IL1RAPL2: variants seen among roughly 807,000 people sequenced by gnomAD.
The protein encoded by IL1RAPL2 is interleukin 1 receptor accessory protein like 2.
A neutral mutation model predicts 44.1 loss-of-function variants in IL1RAPL2; 3 were observed. The ratio of observed to expected loss-of-function variants is 0.07; its 90% CI spans 0.03 to 0.18. The LOEUF is 0.18. Ranked by LOEUF, IL1RAPL2 falls within the 10% of genes least tolerant of loss-of-function variation. The pLI, the probability that IL1RAPL2 is intolerant of heterozygous loss-of-function variation, is 1.00. For missense variants in IL1RAPL2, 391 were observed against 496.4 expected (o/e 0.79, Z 2.02); for synonymous variants, 181 against 178.8 (o/e 1.01, Z -0.10).
At position 104,566,980 on chromosome X, in the gene IL1RAPL2, G is replaced by A. The variant is rs1294247301; in HGVS notation, c.-91G>A. The A allele has an allele frequency of 8.9e-6, 1 of 112,637 alleles. No homozygotes were observed. The highest frequency in any genetic ancestry group is 1.9e-5 in the Non-Finnish European group (1 of 53,370). 9.3% of individuals were successfully genotyped at this position (112,637 alleles called of 1,213,427 possible). A position where few individuals can be genotyped will look rare whatever the true frequency, so the allele number is the denominator to read the frequency against. ...CGCGCTCTCCGGAACCCGGCTCGCC[G>A]TCTCGCCCTGGACATGGAACTACGC... is the stretch of plus-strand genomic sequence containing the variant. On this transcript the variant is annotated 5_prime_UTR_variant, in exon 1 of 11. Coordinates refer to ENST00000372582, the MANE Select transcript of IL1RAPL2 (RefSeq NM_017416.2).
In IL1RAPL2 at chrX:104,660,556, ATATATT is replaced by A. The variant is rs1269079733; in HGVS notation, c.82+1567_82+1572del. ...CTGTTAAAATATATATATATTTTAT[ATATATT>A]TATATATATAAAATATATAAATATA... On this transcript the variant is annotated intron_variant, in intron 2 of 10. Transcript: ENST00000372582. 4.2e-5 allele frequency among the ~76,000 whole-genome samples: 4 copies of A among 94,450 alleles called. No homozygotes were observed. In the East Asian group the frequency reaches 1.4e-3, roughly 33 times the overall value. The allele number at this position is 94,450 out of a possible 115,157, so 82.0% of individuals were successfully genotyped here. A position where few individuals can be genotyped will look rare whatever the true frequency, so the allele number is the denominator to read the frequency against.
At chrX:104,618,983 C>A (rs1284000394) in intron 1 of IL1RAPL2, among the ~76,000 whole-genome samples, 1 of 112,115 alleles carries the variant, frequency 8.9e-6, no homozygotes, top group Non-Finnish European at 1.9e-5. Flanking sequence ...CACACACAGA[C>A]TGGTTTCCAG....
intron 2 of IL1RAPL2, among the ~76,000 whole-genome samples, chrX:104,700,865 TTTTA>T (rs1373212942): frequency 8.9e-6 from 1 of 112,015 alleles, no homozygotes; most frequent in African/African-American, 3.2e-5. Context: ...ATGTGTATCT[TTTTA>T]TTTGTCATAA....
chrX:105,228,652 T>C (rs1327726777), intron 3 of IL1RAPL2, among the ~76,000 whole-genome samples: 1 of 112,522 alleles, frequency 8.9e-6, no homozygotes, highest in Non-Finnish European at 1.9e-5. Flanking sequence ...GCTATGCAAA[T>C]TAACATTATT....
At chrX:105,278,554 C>A (rs1004937529) in intron 5 of IL1RAPL2, among the ~76,000 whole-genome samples, 8 of 111,615 alleles carry the variant, frequency 7.2e-5, no homozygotes, top group African/African-American at 2.6e-4. Context: ...GAGCTTGGTA[C>A]AGAGGGAGAC....
intron 2 of IL1RAPL2, among the ~76,000 whole-genome samples, chrX:104,741,464 G>T (rs187086307): frequency 9.0e-6 from 1 of 110,529 alleles, no homozygotes; most frequent in South Asian, 3.8e-4. Flanking sequence ...TAATGGTATC[G>T]TAAATTTTTT....
chrX:105,497,754 G>A (rs746825927), intron 6 of IL1RAPL2, among the ~76,000 whole-genome samples: 25 of 111,975 alleles, frequency 2.2e-4, no homozygotes, highest in Non-Finnish European at 4.1e-4. Context: ...ACCCCAGAAT[G>A]CAAGGAAGTT....
At chrX:105,729,414 G>A (rs2038381152) in intron 7 of IL1RAPL2, among the ~76,000 whole-genome samples, 1 of 111,415 alleles carries the variant, frequency 9.0e-6, no homozygotes, top group Non-Finnish European at 1.9e-5. Flanking sequence ...TGTAGTGTAT[G>A]TCATTGTCTA....
intron 2 of IL1RAPL2, among the ~76,000 whole-genome samples, chrX:105,030,414 AT>A (rs1246684204): frequency 8.9e-6 from 1 of 111,800 alleles, no homozygotes; most frequent in African/African-American, 3.3e-5. Context: ...TCTTGAATTA[AT>A]TTTTGTATAA....
At chrX:105,721,276 C>A (rs1405248620) in intron 7 of IL1RAPL2, among the ~76,000 whole-genome samples, 1 of 110,242 alleles carries the variant, frequency 9.1e-6, no homozygotes, top group African/African-American at 3.3e-5. Context: ...ATTAGCTGGG[C>A]ATGGTGGCAG....
rs903737719 is a variant in IL1RAPL2 at position 105,324,662 on chromosome X, G to C, written c.697+57121G>C. 6.2e-5 allele frequency among the ~76,000 whole-genome samples: 7 copies of C among 112,053 alleles called. No individual in the cohort carries two copies. In the South Asian group the frequency reaches 2.2e-3, roughly 36 times the overall value. On this transcript the variant is annotated intron_variant, in intron 5 of 10. Coordinates refer to ENST00000372582, the MANE Select transcript of IL1RAPL2 (RefSeq NM_017416.2). ...TTGTTCTAGTGTTCTCTTGGTTGCA[G>C]ATGAAAAGACCAAGGCTCACAAAGC... is the stretch of plus-strand genomic sequence containing the variant.
chrX:104,885,721 G>C (rs747111715), intron 2 of IL1RAPL2, among the ~76,000 whole-genome samples: 30 of 112,354 alleles, frequency 2.7e-4, no homozygotes, highest in African/African-American at 9.0e-4. Flanking sequence ...AACAAACCTT[G>C]GTGGCTCAGA....
intron 3 of IL1RAPL2, among the ~76,000 whole-genome samples, chrX:105,205,587 TAAAAAAAAAAAAAAAAAAAAAAA>T (rs375473348): frequency 1.2e-4 from 1 of 8,211 alleles, no homozygotes; most frequent in East Asian, 4.7e-3. Context: ...AAGACTCTGT[TAAAAAAAAAAAAAAAAAAAAAAA>T]AAAAAAAAAA....
At chrX:105,014,833 A>G (rs1569361350) in intron 2 of IL1RAPL2, among the ~76,000 whole-genome samples, 2 of 112,155 alleles carry the variant, frequency 1.8e-5, no homozygotes, top group Non-Finnish European at 3.8e-5. Context: ...CATGCCCAGT[A>G]CTGCGATTGC....
intron 2 of IL1RAPL2, among the ~76,000 whole-genome samples, chrX:104,891,261 G>A (rs57226913): frequency 0.49 from 54,034 of 110,280 alleles, 9,835 homozygotes; most frequent in African/African-American, 0.62. Flanking sequence ...CTTTTGGCTT[G>A]GGATTGTCTT....
At chrX:105,033,189 T>G (rs2031546746) in intron 2 of IL1RAPL2, among the ~76,000 whole-genome samples, 1 of 111,923 alleles carries the variant, frequency 8.9e-6, no homozygotes, top group South Asian at 3.7e-4. Flanking sequence ...TTTGCCAGTC[T>G]GTGTCTCTTA....
chrX:105,403,837 C>T (rs1278036496), intron 5 of IL1RAPL2, among the ~76,000 whole-genome samples: 1 of 111,563 alleles, frequency 9.0e-6, no homozygotes, highest in East Asian at 2.8e-4. Context: ...CTCCACACCT[C>T]CAAACGGCCA....
At chrX:105,362,923 A>C (rs1011717516) in intron 5 of IL1RAPL2, among the ~76,000 whole-genome samples, 1 of 110,077 alleles carries the variant, frequency 9.1e-6, no homozygotes, top group Non-Finnish European at 1.9e-5. Flanking sequence ...AACTGTGGTT[A>C]TCATGCAGTG....
At chrX:104,608,662 C>CTTTTTTTTTTTTTTTTTTTT in intron 1 of IL1RAPL2, among the ~76,000 whole-genome samples, 1 of 58,546 alleles carries the variant, frequency 1.7e-5, no homozygotes, top group Non-Finnish European at 2.9e-5. Context: ...GCAACCCCTG[C>CTTTTTTTTTTTTTTTTTTTT]TTTTTTTTTT....
Sources: allele counts gnomAD v4.1 joint callset (sites outside exome capture counted in the v4.1 genomes callset), GRCh38; gene constraint gnomAD v4.1.1; transcripts MANE v1.5; gene names NCBI Gene and HGNC (gene_info 2026-07-23, HGNC 2026-07-21).